CORIN: variants seen among roughly 807,000 people sequenced by gnomAD.
CORIN encodes corin, serine peptidase, also known as atrial natriuretic peptide-converting enzyme.
CORIN carries 117 observed loss-of-function variants against 125.3 expected under a neutral mutation model. The ratio of observed to expected loss-of-function variants is 0.93; its 90% confidence interval spans 0.80 to 1.09. The LOEUF is 1.09. CORIN is among the 50% of genes least tolerant of loss of function. CORIN has a pLI of 0.00. For missense variants in CORIN, 1,253 were observed against 1,306.7 expected (o/e 0.96, Z 0.63); for synonymous variants, 450 against 466.4 (o/e 0.96, Z 0.45).
At chr4:47,819,343 G>A (rs1732405293) in intron 1 of CORIN, among the ~76,000 whole-genome samples, 1 of 152,122 alleles carries the variant, frequency 6.6e-6, no homozygotes, top group Non-Finnish European at 1.5e-5. Context: ...ATCATGGCCA[G>A]AAGACAAAGA....
chr4:47,610,322 T>C (rs1034349249), intron 19 of CORIN, among the ~76,000 whole-genome samples: 1 of 152,236 alleles, frequency 6.6e-6, no homozygotes, highest in Non-Finnish European at 1.5e-5. Context: ...TGGTATCTCA[T>C]TGTGGTTTTG....
At chr4:47,804,509 G>A (rs1403738457) in intron 2 of CORIN, among the ~76,000 whole-genome samples, 1 of 151,988 alleles carries the variant, frequency 6.6e-6, no homozygotes, top group Non-Finnish European at 1.5e-5. Flanking sequence ...TATATACAAT[G>A]GAGTACTATG....
intron 19 of CORIN, among the ~76,000 whole-genome samples, chr4:47,614,191 T>C (rs1292706563): frequency 6.6e-6 from 1 of 152,106 alleles, no homozygotes; most frequent in African/African-American, 2.4e-5. Context: ...CCAATTTCTT[T>C]TTTTGTTGTT....
chr4:47,667,787 T>C (rs1724549821), intron 10 of CORIN, among the ~76,000 whole-genome samples: 1 of 152,086 alleles, frequency 6.6e-6, no homozygotes, highest in Non-Finnish European at 1.5e-5. Context: ...CGGAAGAGGT[T>C]TGGGGTTGGT....
chr4:47,594,805 G>C lies in CORIN; in HGVS notation c.*916C>G, dbSNP rs892658535. The C allele has an allele frequency of 9.9e-5, 15 of 152,028 alleles. No individual in the cohort carries two copies. Among genetic ancestry groups the C allele is most frequent in the African/African-American group, 2.9e-4 (12 of 41,390 alleles). The allele number at this position is 152,028 out of a possible 1,614,324, so 9.4% of individuals were successfully genotyped here. A position where few individuals can be genotyped will look rare whatever the true frequency, so the allele number is the denominator to read the frequency against. On this transcript the variant is annotated 3_prime_UTR_variant, in exon 22 of 22. Transcript: ENST00000273857. ...TGCCACATAAGTAAAACAAAATATT[G>C]CCCATAAATATAGATGTAGTTGTTG...
Position 47,594,819 on chromosome 4 carries a change from ATG to A in CORIN, c.*900_*901del, listed in dbSNP as rs1270488260. On this transcript the variant is annotated 3_prime_UTR_variant, in exon 22 of 22. Transcript: ENST00000273857. The stretch of plus-strand genomic sequence containing the variant: ...AACAAAATATTGCCCATAAATATAG[ATG>A]TAGTTGTTGCAGTCTCAATCAGCCA... 6.6e-6 allele frequency: 1 copy of A among 152,182 alleles called. No individual in the cohort carries two copies. Among genetic ancestry groups the A allele is most frequent in the African/African-American group, 2.4e-5 (1 of 41,448 alleles). The allele number at this position is 152,182 out of a possible 1,614,324, so 9.4% of individuals were successfully genotyped here.
intron 2 of CORIN, among the ~76,000 whole-genome samples, chr4:47,793,698 G>T (rs1731173399): frequency 2.0e-5 from 3 of 152,140 alleles, no homozygotes; most frequent in African/African-American, 7.2e-5. Context: ...AATACACATT[G>T]GTTTCCAATG....
intron 16 of CORIN, among the ~76,000 whole-genome samples, chr4:47,629,084 G>T (rs1722703282): frequency 6.6e-6 from 1 of 152,058 alleles, no homozygotes; most frequent in South Asian, 2.1e-4. Flanking sequence ...CATATGGTAG[G>T]TAGTTCTATT....
At chr4:47,663,488 C>A (rs1196893644) in intron 11 of CORIN, among the ~76,000 whole-genome samples, 1 of 151,612 alleles carries the variant, frequency 6.6e-6, no homozygotes, top group African/African-American at 2.4e-5. Flanking sequence ...TATGGGTAAA[C>A]CTGAAAAAAA....
At chr4:47,619,987 T>C (rs2109545635) in intron 19 of CORIN, among the ~76,000 whole-genome samples, 1 of 152,332 alleles carries the variant, frequency 6.6e-6, no homozygotes, top group East Asian at 1.9e-4. Flanking sequence ...ATCTTACACA[T>C]TGAAAGCTCT....
intron 5 of CORIN, chr4:47,706,868 T>C: frequency 1.3e-6 from 2 of 1,598,880 alleles, no homozygotes; most frequent in East Asian, 2.2e-5. Flanking sequence ...TGGGCTGACA[T>C]CTGCAGGCCG....
At chr4:47,647,345 C>T (rs1020025190) in intron 13 of CORIN, among the ~76,000 whole-genome samples, 3 of 152,142 alleles carry the variant, frequency 2.0e-5, no homozygotes, top group African/African-American at 7.2e-5. Context: ...AAACATACCA[C>T]TTGCTAATAG....
intron 5 of CORIN, among the ~76,000 whole-genome samples, chr4:47,698,703 T>C (rs1170041470): frequency 1.3e-5 from 2 of 152,124 alleles, no homozygotes; most frequent in Admixed American, 1.3e-4. Flanking sequence ...AGTCTATTTA[T>C]TGAGTAGCTG....
intron 5 of CORIN, among the ~76,000 whole-genome samples, chr4:47,716,261 T>G (rs1023930494): frequency 6.6e-6 from 1 of 152,212 alleles, no homozygotes; most frequent in Non-Finnish European, 1.5e-5. Flanking sequence ...CAGTGCTTAG[T>G]GCAAACAACT....
At chr4:47,691,714 A>T (rs987341354) in intron 6 of CORIN, among the ~76,000 whole-genome samples, 1 of 152,086 alleles carries the variant, frequency 6.6e-6, no homozygotes, top group African/African-American at 2.4e-5. Flanking sequence ...TAAGAAGTAG[A>T]CCTGATAGTA....
chr4:47,626,517 G>T lies in CORIN; in HGVS notation c.2203C>A (p.Pro735Thr). The T allele has an allele frequency of 6.2e-7, 1 of 1,602,278 alleles. No homozygotes were observed. The highest frequency in any genetic ancestry group is 1.3e-5 in the African/African-American group (1 of 74,768). ...LACKQMGLGE[P>T]SVTKLIQEQE... ...TCCTGTATCAATTTGGTCACAGATGGTTCTCTGATACAAGGCAAATACTGG... is the reference window on the plus strand; with the variant it reads ...TCCTGTATCAATTTGGTCACAGATGTTTCTCTGATACAAGGCAAATACTGG... Residue 735 changes from proline to threonine, a missense_variant, in exon 17 of 22, where the codon CCA becomes ACA. By Grantham distance (38) the Pro-to-Thr change is conservative. Transcript: ENST00000273857.
At chr4:47,775,870 A>G (rs1382751132) in intron 3 of CORIN, among the ~76,000 whole-genome samples, 3 of 152,164 alleles carry the variant, frequency 2.0e-5, no homozygotes, top group Non-Finnish European at 4.4e-5. Flanking sequence ...TTCCATTTCT[A>G]TGGATTTGGG....
chr4:47,653,740 G>A, intron 12 of CORIN, 80 bp from the exon 13 acceptor site: 1 of 1,257,512 alleles, frequency 8.0e-7, no homozygotes, highest in Non-Finnish European at 1.1e-6. Context: ...GTAGGATGTT[G>A]TCAAGGAGCT....
At chr4:47,831,826 G>T (rs529918702) in intron 1 of CORIN, among the ~76,000 whole-genome samples, 2 of 151,450 alleles carry the variant, frequency 1.3e-5, no homozygotes, top group African/African-American at 2.4e-5. Context: ...TTAGGACAAG[G>T]TCATACTGGA....
Sources: gnomAD v4.1 joint callset for allele counts (sites outside exome capture counted in the v4.1 genomes callset) on GRCh38, gnomAD v4.1.1 for gene constraint, MANE v1.5 for transcripts, NCBI Gene and HGNC (gene_info 2026-07-23, HGNC 2026-07-21) for gene names.